Variants in TENM3 observed in about 807,000 individuals in gnomAD.
TENM3 encodes the protein teneurin-3.
A neutral mutation model predicts 255.1 loss-of-function variants in TENM3; 63 were observed. The ratio of observed to expected loss-of-function variants is 0.25; its 90% confidence interval spans 0.20 to 0.30. The LOEUF (loss-of-function observed/expected upper bound fraction) is 0.30, where lower values mean the gene tolerates loss of function less well. Ranked by LOEUF, TENM3 falls within the 10% of genes least tolerant of loss-of-function variation. TENM3 has a pLI of 1.00. For synonymous variants in TENM3, 1,306 were observed against 1,322.3 expected (o/e 0.99, Z 0.27); for missense variants, 2,929 against 3,461.1 (o/e 0.85, Z 3.86).
chr4:182,219,515 A>G (rs938851030), intron 1 of TENM3, among the ~76,000 whole-genome samples: 1 of 152,080 alleles, frequency 6.6e-6, no homozygotes, highest in African/African-American at 2.4e-5. Flanking sequence ...AATTTAAAAA[A>G]TTAGCCAGGC....
the TENM3 span, among the ~76,000 whole-genome samples, chr4:181,940,203 C>A: frequency 1.3e-5 from 2 of 152,098 alleles, no homozygotes; most frequent in African/African-American, 4.8e-5. Context: ...GTTGGTCTGT[C>A]CCTTTAGAAT....
intron 6 of TENM3, among the ~76,000 whole-genome samples, chr4:182,661,164 A>G (rs2152529813): frequency 6.6e-6 from 1 of 152,148 alleles, no homozygotes; most frequent in South Asian, 2.1e-4. Flanking sequence ...TGCTTAAACA[A>G]AACAATTCCA....
At chr4:181,562,169 T>C in the TENM3 span, among the ~76,000 whole-genome samples, 1 of 152,186 alleles carries the variant, frequency 6.6e-6, no homozygotes, top group East Asian at 1.9e-4. Context: ...TTTGTTTTGA[T>C]ATGCAGATAC....
At chr4:181,629,126 GCT>G in the TENM3 span, among the ~76,000 whole-genome samples, 4 of 152,032 alleles carry the variant, frequency 2.6e-5, no homozygotes, top group African/African-American at 9.7e-5. Flanking sequence ...TCATGATTTG[GCT>G]CTCTGTTTGT....
the TENM3 span, among the ~76,000 whole-genome samples, chr4:181,675,735 G>A: frequency 2.0e-5 from 3 of 151,980 alleles, no homozygotes; most frequent in East Asian, 1.9e-4. Flanking sequence ...TACCGTTGCC[G>A]CACGAGGGGT....
the TENM3 span, among the ~76,000 whole-genome samples, chr4:181,942,190 A>G: frequency 0.062 from 9,315 of 150,636 alleles, 424 homozygotes; most frequent in South Asian, 0.22. Flanking sequence ...GGACTTTGGT[A>G]TCAGTTGAAG....
intron 24 of TENM3, among the ~76,000 whole-genome samples, chr4:182,780,150 T>G (rs1459870875): frequency 6.6e-6 from 1 of 152,204 alleles, no homozygotes; most frequent in Non-Finnish European, 1.5e-5. Context: ...TCCTGAATGG[T>G]GATGCCTAGG....
chr4:182,753,665 G>T (rs921081356), intron 21 of TENM3, 61 bp downstream of exon 21: 6 of 1,508,090 alleles, frequency 4.0e-6, no homozygotes, highest in Non-Finnish European at 4.6e-6. Flanking sequence ...TTATTCAGTC[G>T]GTAGACTATG....
rs536399668 is a variant in TENM3 at position 182,250,331 on chromosome 4, T to C, written c.-76+6855T>C. Among the ~76,000 whole-genome samples, 65 of 152,052 alleles carry C rather than the reference T, an allele frequency of 4.3e-4. No homozygotes were observed. The South Asian group carries it at 6.9e-3, about 16-fold the overall frequency. On this transcript the variant is annotated intron_variant, in intron 1 of 27. Coordinates refer to ENST00000511685, the MANE Select transcript of TENM3 (RefSeq NM_001080477.4). ...CCTCCCAAAGTGCTGGGATTACAGGTGTGAGCCACTGCGCCTGGCCTGTTC... is the reference window on the plus strand; with the variant it reads ...CCTCCCAAAGTGCTGGGATTACAGGCGTGAGCCACTGCGCCTGGCCTGTTC...
At chr4:181,509,470 C>T in the TENM3 span, among the ~76,000 whole-genome samples, 15 of 151,990 alleles carry the variant, frequency 9.9e-5, no homozygotes, top group African/African-American at 1.9e-4. Context: ...CAACACTGCT[C>T]GTTCCTTGTC....
intron 1 of TENM3, among the ~76,000 whole-genome samples, chr4:182,221,514 G>T (rs899621805): frequency 1.3e-5 from 2 of 152,180 alleles, no homozygotes; most frequent in Non-Finnish European, 2.9e-5. Flanking sequence ...TCATGATGAT[G>T]CTGGCAGCCT....
At chr4:182,225,976 G>A (rs1317724347) in intron 1 of TENM3, among the ~76,000 whole-genome samples, 1 of 152,100 alleles carries the variant, frequency 6.6e-6, no homozygotes. Flanking sequence ...TCCAAGTAAG[G>A]AACCATCGGG....
intron 1 of TENM3, among the ~76,000 whole-genome samples, chr4:182,182,860 G>A (rs1411504755): frequency 2.0e-5 from 3 of 152,154 alleles, no homozygotes; most frequent in African/African-American, 7.2e-5. Flanking sequence ...TTATCCAAAT[G>A]TTGCAAACAA....
chr4:182,041,332 G>C, the TENM3 span, among the ~76,000 whole-genome samples: 1 of 152,068 alleles, frequency 6.6e-6, no homozygotes, highest in African/African-American at 2.4e-5. Context: ...AAGATAGAAA[G>C]GTGTCAGGGC....
At chr4:181,963,498 T>G in the TENM3 span, among the ~76,000 whole-genome samples, 1 of 152,188 alleles carries the variant, frequency 6.6e-6, no homozygotes, top group Non-Finnish European at 1.5e-5. Flanking sequence ...GGAGTTTCCA[T>G]TCTAGAAGGG....
At chr4:181,522,018 G>A in the TENM3 span, among the ~76,000 whole-genome samples, 3 of 149,204 alleles carry the variant, frequency 2.0e-5, no homozygotes, top group Non-Finnish European at 4.4e-5. Flanking sequence ...GGAGAATGGC[G>A]TGAACGCGGG....
the TENM3 span, among the ~76,000 whole-genome samples, chr4:181,901,881 C>G: frequency 6.6e-6 from 1 of 151,984 alleles, no homozygotes; most frequent in Admixed American, 6.6e-5. Flanking sequence ...TTCATTCCCC[C>G]CCACCCAAAA....
the TENM3 span, among the ~76,000 whole-genome samples, chr4:182,117,999 T>G: frequency 6.6e-6 from 1 of 152,182 alleles, no homozygotes; most frequent in African/African-American, 2.4e-5. Flanking sequence ...TACTTCATTT[T>G]TTACGTGCTA....
At chr4:182,174,965 A>C (rs1752364186) in intron 1 of TENM3, among the ~76,000 whole-genome samples, 1 of 152,158 alleles carries the variant, frequency 6.6e-6, no homozygotes, top group African/African-American at 2.4e-5. Context: ...GTTACATATT[A>C]TCTCTAGGAA....
Sources: gnomAD v4.1 joint callset for allele counts (sites outside exome capture counted in the v4.1 genomes callset) on GRCh38, gnomAD v4.1.1 for gene constraint, MANE v1.5 for transcripts, NCBI Gene and HGNC (gene_info 2026-07-23, HGNC 2026-07-21) for gene names.